The following RAI14 variants were observed in gnomAD, a reference collection of about 807,000 sequenced individuals.
RAI14 encodes retinoic acid induced 14, also known as ankycorbin.
In RAI14, 45 loss-of-function variants were observed where a neutral mutation model predicts 115.4. The observed-to-expected ratio is 0.39, with a 90% CI of 0.31 to 0.50. The LOEUF (loss-of-function observed/expected upper bound fraction) is 0.50. Among genes scored for constraint, RAI14 ranks in the 20% least tolerant of loss-of-function variants. The probability of loss-of-function intolerance (pLI) is 0.85; values close to 1 mark genes in which losing one functional copy is unlikely to be tolerated. For synonymous variants in RAI14, 371 were observed against 415.4 expected (o/e 0.89, Z 1.30); for missense variants, 939 against 1,131.2 (o/e 0.83, Z 2.44).
rs776026866 is a variant in RAI14 at position 34,824,241 on chromosome 5, T to C, written c.2399T>C (p.Val800Ala). ...EKLQSSLESE[V>A]SVLASKLKES... is the part of the protein sequence containing the mutation. ...CTCCAGTCATCCTTAGAGAGTGAAG[T>C]GAGTGTGTTGGCATCGAAATTAAAG... Residue 800 changes from valine (V) to alanine (A), a missense_variant, in exon 15 of 18, where the codon GTG becomes GCG. Val to Ala is a moderately conservative substitution (Grantham distance 64). Transcript: ENST00000265109. The C allele has an allele frequency of 1.9e-6, 3 of 1,614,128 alleles. No individual in the cohort carries two copies. Among genetic ancestry groups the C allele is most frequent in the South Asian group, 1.1e-5 (1 of 91,088 alleles).
At chr5:34,762,007 T>C (rs1748713236) in intron 3 of RAI14, among the ~76,000 whole-genome samples, 2 of 152,198 alleles carry the variant, frequency 1.3e-5, no homozygotes, top group South Asian at 4.1e-4. Context: ...TCTGAAAGAC[T>C]TGAATCCCGT....
intron 5 of RAI14, among the ~76,000 whole-genome samples, chr5:34,805,075 C>A (rs531441306): frequency 9.2e-5 from 14 of 152,294 alleles, no homozygotes; most frequent in African/African-American, 2.9e-4. Context: ...ATCTTTGAAG[C>A]CTTTAAACAG....
At chr5:34,734,847 G>T (rs1273197961) in intron 2 of RAI14, among the ~76,000 whole-genome samples, 1 of 152,020 alleles carries the variant, frequency 6.6e-6, no homozygotes, top group Non-Finnish European at 1.5e-5. Flanking sequence ...TTTTAGAAGA[G>T]ACAGCGTTTC....
At chr5:34,732,896 A>G (rs1404583769) in intron 2 of RAI14, among the ~76,000 whole-genome samples, 3 of 151,894 alleles carry the variant, frequency 2.0e-5, no homozygotes, top group African/African-American at 7.2e-5. Context: ...TAATAAGGCT[A>G]TAATTAACAC....
rs1561079916 is a variant in RAI14, at chr5:34,818,882, T to C, written c.994+31T>C. The C allele has an allele frequency of 2.8e-6, 4 of 1,407,722 alleles. No homozygotes were observed. The East Asian group carries it at 6.9e-5, about 24-fold the overall frequency. 87.2% of individuals were successfully genotyped at this position (1,407,722 alleles called of 1,614,324 possible). A position where few individuals can be genotyped will look rare whatever the true frequency, so the allele number is the denominator to read the frequency against. On this transcript the variant is annotated intron_variant, in intron 13 of 17. Coordinates refer to ENST00000265109, the MANE Select transcript of RAI14 (RefSeq NM_015577.3). ...ACAAGGAAGCATCTGTTTTTTTTTT[T>C]CCTTCAACCAAACTATTTCATGTCC...
intron 4 of RAI14, among the ~76,000 whole-genome samples, chr5:34,803,032 TGTG>T (rs1754458718): frequency 6.6e-6 from 1 of 152,188 alleles, no homozygotes; most frequent in African/African-American, 2.4e-5. Context: ...TTCCTCAGCC[TGTG>T]GTGGGCATAG....
Position 34,829,718 on chromosome 5 carries a change from T to C in RAI14, c.2800-14T>C. 5 of 1,598,840 alleles carry C rather than the reference T, an allele frequency of 3.1e-6. No individual in the cohort carries two copies. The highest frequency in any genetic ancestry group is 4.3e-6 in the Non-Finnish European group (5 of 1,169,330). On this transcript the variant is annotated splice_polypyrimidine_tract_variant and intron_variant, in intron 16 of 17. Coordinates refer to ENST00000265109, the MANE Select transcript of RAI14 (RefSeq NM_015577.3). ...TCTTAAGCTCATTAATAATGTGAAA[T>C]ATTCCCTTTCTAGGAATGCAAGAAA...
At position 34,753,860 on chromosome 5, in the gene RAI14, G is replaced by A. The variant is rs550034156; in HGVS notation, c.37-3608G>A. 2.5e-3 allele frequency among the ~76,000 whole-genome samples: 376 copies of A among 150,280 alleles called. 5 individuals carry two copies. Among genetic ancestry groups the A allele is most frequent in the Non-Finnish European group, 3.3e-3 (226 of 67,854 alleles). On this transcript the variant is annotated intron_variant, in intron 2 of 17. Transcript: ENST00000265109. ...ACCCAGGAAGCGGAGGTTGCAGTGA[G>A]CTGAGATTGCACCACTGCACTCCAG...
intron 2 of RAI14, among the ~76,000 whole-genome samples, chr5:34,695,187 A>G (rs1018619530): frequency 2.0e-5 from 3 of 152,184 alleles, no homozygotes; most frequent in Admixed American, 1.3e-4. Flanking sequence ...GGTGTGAGCC[A>G]CCGTGCCTGG....
rs549863580 is a variant in RAI14 at position 34,786,400 on chromosome 5, G to A, written c.168-9539G>A. On this transcript the variant is annotated intron_variant, in intron 3 of 17. Transcript: ENST00000265109. Reference sequence around the variant, plus strand: ...AAAGAAAGATCTGGAGGGTCAGGCCGTTCTTTTTCTTCAAAATAAGAAGGG... The same window carrying A: ...AAAGAAAGATCTGGAGGGTCAGGCCATTCTTTTTCTTCAAAATAAGAAGGG... 9.2e-5 allele frequency among the ~76,000 whole-genome samples: 14 copies of A among 152,308 alleles called. No individual in the cohort carries two copies. In the South Asian group the frequency reaches 1.0e-3, roughly 11 times the overall value.
chr5:34,666,676 G>C (rs1743246800), intron 1 of RAI14, among the ~76,000 whole-genome samples: 1 of 152,192 alleles, frequency 6.6e-6, no homozygotes, highest in African/African-American at 2.4e-5. Context: ...AAGCAAAAAG[G>C]GCTGTGGATC....
intron 5 of RAI14, among the ~76,000 whole-genome samples, chr5:34,805,638 G>A (rs1395731252): frequency 1.3e-5 from 2 of 152,112 alleles, no homozygotes; most frequent in African/African-American, 2.4e-5. Flanking sequence ...CCAGGAGTTC[G>A]TGACCAGCCT....
intron 2 of RAI14, among the ~76,000 whole-genome samples, chr5:34,739,325 C>T (rs1317554167): frequency 3.3e-5 from 5 of 152,052 alleles, no homozygotes; most frequent in East Asian, 1.9e-4. Flanking sequence ...AGTGGTAGAG[C>T]GAGGCTGTGC....
chr5:34,813,008 A>G (rs1253726924), intron 10 of RAI14, among the ~76,000 whole-genome samples: 1 of 152,222 alleles, frequency 6.6e-6, no homozygotes, highest in African/African-American at 2.4e-5. Context: ...AGTTTTTTCT[A>G]AAAATATATT....
At chr5:34,708,613 A>T (rs1055026699) in intron 2 of RAI14, among the ~76,000 whole-genome samples, 8 of 152,218 alleles carry the variant, frequency 5.3e-5, no homozygotes, top group African/African-American at 1.7e-4. Context: ...ACAAAAAAAA[A>T]TTTTTAGCTT....
chr5:34,740,993 T>C (rs958018421), intron 2 of RAI14, among the ~76,000 whole-genome samples: 2 of 152,214 alleles, frequency 1.3e-5, no homozygotes, highest in African/African-American at 4.8e-5. Flanking sequence ...GACATCGTGC[T>C]CATATGTGTG....
At chr5:34,716,269 T>G in intron 2 of RAI14, 1 of 301,308 alleles carries the variant, frequency 3.3e-6, no homozygotes. Flanking sequence ...TGAGGCTCCC[T>G]GGCTGTGACA....
Position 34,832,018 on chromosome 5 carries a change from C to T in RAI14, c.*1253C>T, listed in dbSNP as rs756627988. On this transcript the variant is annotated 3_prime_UTR_variant, in exon 18 of 18. Transcript: ENST00000265109. ...ATATTATGGTGCATAGCAGAGGTCT[C>T]GGAAAAAAAATATTTCTGTTCACTT... is the stretch of plus-strand genomic sequence containing the variant. 8 of 151,916 alleles carry T rather than the reference C, an allele frequency of 5.3e-5. No individual in the cohort carries two copies. The highest frequency in any genetic ancestry group is 2.1e-4 in the South Asian group (1 of 4,796). The allele number at this position is 151,916 out of a possible 1,614,324, so 9.4% of individuals were successfully genotyped here.
intron 3 of RAI14, among the ~76,000 whole-genome samples, chr5:34,765,260 G>A (rs143109659): frequency 0.011 from 1,701 of 152,302 alleles, 37 homozygotes; most frequent in African/African-American, 0.039. Flanking sequence ...ATGTGGAAGT[G>A]ACTTTGGAAC....
Sources: gnomAD v4.1 joint callset for allele counts (sites outside exome capture counted in the v4.1 genomes callset) on GRCh38, gnomAD v4.1.1 for gene constraint, MANE v1.5 for transcripts, NCBI Gene and HGNC (gene_info 2026-07-23, HGNC 2026-07-21) for gene names.